Variants in FAAH2 observed in about 807,000 individuals in gnomAD.
The protein encoded by FAAH2 is fatty acid amide hydrolase 2, also known as fatty-acid amide hydrolase 2.
FAAH2 carries 60 observed loss-of-function variants against 36.9 expected under a neutral mutation model. The ratio of observed to expected loss-of-function variants is 1.63; its 90% CI spans 1.32 to 2.02. The LOEUF is 2.02. Among genes scored for constraint, FAAH2 ranks in the 30% most tolerant of loss-of-function variants. The probability of loss-of-function intolerance (pLI) is 0.00; values close to 1 mark genes in which losing one functional copy is unlikely to be tolerated. For synonymous variants in FAAH2, 214 were observed against 143.8 expected (o/e 1.49, Z -3.49); for missense variants, 689 against 397.5 (o/e 1.73, Z -6.23).
intron 6 of FAAH2, among the ~76,000 whole-genome samples, chrX:57,380,368 A>G (rs1341247241): frequency 3.6e-5 from 4 of 111,078 alleles, no homozygotes; most frequent in African/African-American, 1.3e-4. Flanking sequence ...ATTTACTACT[A>G]CAGGAAGACT....
chrX:57,420,228 T>C (rs1042684208), intron 7 of FAAH2, among the ~76,000 whole-genome samples: 1 of 86,976 alleles, frequency 1.1e-5, no homozygotes, highest in African/African-American at 5.4e-5. Context: ...ATATGAACTT[T>C]AAAGTAGTTT....
intron 3 of FAAH2, among the ~76,000 whole-genome samples, chrX:57,313,918 A>T (rs1044236301): frequency 9.0e-6 from 1 of 111,378 alleles, no homozygotes; most frequent in Non-Finnish European, 1.9e-5. Flanking sequence ...AATGAACTAA[A>T]TGTCCCAATT....
At chrX:57,408,818 A>T (rs1260852110) in intron 7 of FAAH2, among the ~76,000 whole-genome samples, 2 of 111,649 alleles carry the variant, frequency 1.8e-5, no homozygotes, top group African/African-American at 6.5e-5. Context: ...ACATGTAATG[A>T]AATGATACTA....
chrX:57,344,568 GC>G (rs2053770819), intron 5 of FAAH2, among the ~76,000 whole-genome samples: 1 of 111,082 alleles, frequency 9.0e-6, no homozygotes, highest in Admixed American at 9.6e-5. Context: ...CTATTTGAAT[GC>G]CCTTTATTTC....
intron 7 of FAAH2, among the ~76,000 whole-genome samples, chrX:57,384,702 T>C (rs2054965852): frequency 9.0e-6 from 1 of 110,907 alleles, no homozygotes; most frequent in Non-Finnish European, 1.9e-5. Flanking sequence ...TGTGGAGAAA[T>C]AGGAACACTT....
chrX:57,388,577 A>G (rs1323001550), intron 7 of FAAH2, among the ~76,000 whole-genome samples: 1 of 111,369 alleles, frequency 9.0e-6, no homozygotes, highest in East Asian at 2.8e-4. Flanking sequence ...AGTAGGGTAC[A>G]TGTTTCATGA....
At chrX:57,135,003 G>C in the FAAH2 span, 1 of 111,826 alleles carries the variant, frequency 8.9e-6, no homozygotes, top group African/African-American at 3.3e-5. Context: ...GCCAGGAAGA[G>C]CAATGTGGAC....
intron 7 of FAAH2, among the ~76,000 whole-genome samples, chrX:57,416,714 C>T (rs1403959190): frequency 1.8e-5 from 2 of 111,314 alleles, no homozygotes; most frequent in African/African-American, 6.5e-5. Flanking sequence ...CTTGGGGTTG[C>T]TCTTTTTGAG....
intron 3 of FAAH2, among the ~76,000 whole-genome samples, chrX:57,312,132 G>A (rs2052712118): frequency 8.9e-6 from 1 of 112,298 alleles, no homozygotes; most frequent in Admixed American, 9.4e-5. Flanking sequence ...GATCACAGGG[G>A]GCTCTCCCAA....
the FAAH2 span, among the ~76,000 whole-genome samples, chrX:57,144,639 A>G: frequency 9.1e-6 from 1 of 109,982 alleles, no homozygotes; most frequent in Non-Finnish European, 1.9e-5. Context: ...TTTACACTGA[A>G]CCCAATTTTC....
the FAAH2 span, among the ~76,000 whole-genome samples, chrX:57,189,744 G>T: frequency 6.6e-4 from 74 of 111,741 alleles, no homozygotes; most frequent in Non-Finnish European, 1.3e-3. Context: ...ATGGTTGCCT[G>T]CTCCTTCCTC....
chrX:57,257,862 T>C, the FAAH2 span, among the ~76,000 whole-genome samples: 1 of 111,389 alleles, frequency 9.0e-6, no homozygotes, highest in Non-Finnish European at 1.9e-5. Flanking sequence ...GGTTCATGGA[T>C]TAGTAAAATC....
intron 10 of FAAH2, among the ~76,000 whole-genome samples, chrX:57,479,763 G>A (rs1422899695): frequency 2.7e-5 from 3 of 111,453 alleles, no homozygotes; most frequent in Non-Finnish European, 5.7e-5. Context: ...TTTTGTCTTG[G>A]TTCTGTTTAT....
At chrX:57,125,581 C>T in the FAAH2 span, among the ~76,000 whole-genome samples, 4 of 111,732 alleles carry the variant, frequency 3.6e-5, no homozygotes, top group African/African-American at 1.3e-4. Flanking sequence ...ACCAAATGCC[C>T]TGTTTGCCTC....
chrX:57,243,046 G>C, the FAAH2 span, among the ~76,000 whole-genome samples: 3 of 111,652 alleles, frequency 2.7e-5, no homozygotes, highest in East Asian at 8.4e-4. Context: ...AGTCAATCTG[G>C]GATGCTCCAG....
chrX:57,221,460 G>T, the FAAH2 span, among the ~76,000 whole-genome samples: 1 of 111,025 alleles, frequency 9.0e-6, no homozygotes, highest in Non-Finnish European at 1.9e-5. Flanking sequence ...CACAGAAGTA[G>T]TATGCCATCC....
At chrX:57,460,001 C>T (rs181562764) in intron 10 of FAAH2, among the ~76,000 whole-genome samples, 1 of 111,228 alleles carries the variant, frequency 9.0e-6, no homozygotes, top group Non-Finnish European at 1.9e-5. Flanking sequence ...ATGAGTTTGA[C>T]GAATTGACAG....
At chrX:57,438,115 G>C (rs1225463308) in intron 8 of FAAH2, among the ~76,000 whole-genome samples, 1 of 103,886 alleles carries the variant, frequency 9.6e-6, no homozygotes, top group Non-Finnish European at 2.0e-5. Context: ...GTATTGAATT[G>C]TGTATATGTA....
At chrX:57,469,724 G>A (rs2057123641) in intron 10 of FAAH2, among the ~76,000 whole-genome samples, 1 of 111,444 alleles carries the variant, frequency 9.0e-6, no homozygotes, top group South Asian at 3.8e-4. Context: ...TCCAGTAATT[G>A]AACTCAGCTC....
Sources: allele counts gnomAD v4.1 joint callset (sites outside exome capture counted in the v4.1 genomes callset), GRCh38; gene constraint gnomAD v4.1.1; transcripts MANE v1.5; gene names NCBI Gene and HGNC (gene_info 2026-07-23, HGNC 2026-07-21).